Variants in WNK2 observed in about 807,000 individuals in gnomAD.
The protein encoded by WNK2 is serine/threonine-protein kinase WNK2.
Under a neutral mutation model 192.1 loss-of-function variants are expected in WNK2, and 67 were observed. That is an observed-to-expected ratio of 0.35 (90% confidence interval 0.29 to 0.43). The LOEUF (loss-of-function observed/expected upper bound fraction) is 0.43. Among genes scored for constraint, WNK2 ranks in the 20% least tolerant of loss-of-function variants. WNK2 has a pLI of 1.00. For synonymous variants in WNK2, 1,439 were observed against 1,393.9 expected (o/e 1.03, Z -0.72); for missense variants, 2,698 against 3,089.7 (o/e 0.87, Z 3.01).
In WNK2 at chr9:93,268,808, C is replaced by T. The variant is rs539051834; in HGVS notation, c.4033+62C>T. 4 of 1,582,762 alleles carry T rather than the reference C, an allele frequency of 2.5e-6. No individual in the cohort carries two copies. The East Asian group carries it at 9.4e-5, about 37-fold the overall frequency. Reference sequence around the variant, plus strand: ...TTTCATGTACAGGCCTCCTTCTGTGCATGACCCAGCCGGTATGTGCCCCGT... The same window carrying T: ...TTTCATGTACAGGCCTCCTTCTGTGTATGACCCAGCCGGTATGTGCCCCGT... On this transcript the variant is annotated intron_variant, in intron 19 of 29. Coordinates refer to ENST00000427277, the MANE Select transcript of WNK2 (RefSeq NM_006648.4).
At chr9:93,261,716 C>T in intron 12 of WNK2, 98 bp from the exon 13 acceptor site, 1 of 1,418,362 alleles carries the variant, frequency 7.1e-7, no homozygotes, top group South Asian at 1.3e-5. Context: ...GAGGGGTGTT[C>T]CCATCTCGGC....
chr9:93,279,827 G>C (rs764338658), intron 19 of WNK2, among the ~76,000 whole-genome samples: 11 of 152,048 alleles, frequency 7.2e-5, no homozygotes, highest in Non-Finnish European at 1.3e-4. Flanking sequence ...TTTCAGCTTT[G>C]TAACAGTTGA....
At chr9:93,303,837 A>G (rs552981462) in intron 26 of WNK2, among the ~76,000 whole-genome samples, 104 of 152,268 alleles carry the variant, frequency 6.8e-4, no homozygotes, top group African/African-American at 2.3e-3. Context: ...TTGGCTCAAG[A>G]ACATGGTTGT....
intron 2 of WNK2, among the ~76,000 whole-genome samples, chr9:93,221,206 G>A (rs1055389487): frequency 2.0e-5 from 3 of 152,240 alleles, no homozygotes; most frequent in East Asian, 1.9e-4. Context: ...GGGGACCCCC[G>A]ACCTTCCCTG....
intron 28 of WNK2, among the ~76,000 whole-genome samples, chr9:93,311,995 T>TA (rs1363397239): frequency 3.3e-5 from 5 of 152,236 alleles, no homozygotes; most frequent in African/African-American, 1.2e-4. Context: ...GGTTTTGCTT[T>TA]ACATTTTCCT....
rs148431579 is a variant in WNK2, at chr9:93,268,043, C to T, written c.3891C>T (p.Asn1297=). 36 of 1,612,054 alleles carry T rather than the reference C, an allele frequency of 2.2e-5. No individual in the cohort carries two copies. Among genetic ancestry groups the T allele is most frequent in the African/African-American group, 2.1e-4 (16 of 74,870 alleles). ...AGGAGAGCCGACAATCCCAAGCCAA[C>T]GCCCCCGTGTATCAGCAGAACGGTG... ...TGEESRQSQA[N]APVYQQNVLH... The change falls in exon 18 of 30, where the codon AAC becomes AAT. Residue 1297 remains asparagine, a synonymous_variant. Transcript: ENST00000427277.
At chr9:93,230,812 A>G (rs1029476119) in intron 3 of WNK2, 76 bp from the exon 4 acceptor site, 58 of 1,300,506 alleles carry the variant, frequency 4.5e-5, no homozygotes, top group Non-Finnish European at 6.1e-5. Context: ...AGGCCTAAGC[A>G]GTGTTAGGTG....
chr9:93,185,039 G>T lies in WNK2; in HGVS notation c.110G>T (p.Gly37Val). Reference sequence around the variant, plus strand: ...CCTCGGGCGAAGGCGGCGCGGCCGGGGCCCCAGCGCTTTCTGCGGCGCAGC... The same window carrying T: ...CCTCGGGCGAAGGCGGCGCGGCCGGTGCCCCAGCGCTTTCTGCGGCGCAGC... ...AEPRAKAARPGPQRFLRRSVV... is the reference protein window; with the variant it reads ...AEPRAKAARPVPQRFLRRSVV... The change falls in exon 2 of 30, where the codon GGG becomes GTG. Residue 37 changes from glycine (G) to valine (V), a missense_variant. Physicochemically the swap from Gly to Val is moderately radical, Grantham distance 109. Around this residue, in one of 7 missense-constraint regions of WNK2, gnomAD observed 260 missense variants for 285.6 expected, o/e 0.91. Transcript: ENST00000427277. 7.8e-7 allele frequency: 1 copy of T among 1,276,940 alleles called. No individual in the cohort carries two copies. Among genetic ancestry groups the T allele is most frequent in the Non-Finnish European group, 9.9e-7 (1 of 1,013,264 alleles). 79.1% of individuals were successfully genotyped at this position (1,276,940 alleles called of 1,614,324 possible). A position where few individuals can be genotyped will look rare whatever the true frequency, so the allele number is the denominator to read the frequency against.
chr9:93,317,225 C>T, intron 28 of WNK2: 1 of 531,760 alleles, frequency 1.9e-6, no homozygotes, highest in South Asian at 2.1e-5. Flanking sequence ...CTCATGCGCC[C>T]TCAGGGTCCA....
At chr9:93,290,737 G>A (rs1467239947) in intron 21 of WNK2, among the ~76,000 whole-genome samples, 3 of 152,260 alleles carry the variant, frequency 2.0e-5, no homozygotes, top group Non-Finnish European at 4.4e-5. Context: ...TGTGACTGCT[G>A]GGAGCGCCAG....
chr9:93,309,201 G>A (rs1208677206), intron 28 of WNK2: 4 of 913,960 alleles, frequency 4.4e-6, no homozygotes, highest in Admixed American at 6.2e-5. Context: ...AATCCATCTG[G>A]GCTGGAGTTT....
intron 7 of WNK2, among the ~76,000 whole-genome samples, chr9:93,244,185 G>A (rs540308312): frequency 6.6e-6 from 1 of 152,334 alleles, no homozygotes; most frequent in African/African-American, 2.4e-5. Context: ...GACCCCGAGG[G>A]TGGGAGAGAA....
At chr9:93,200,587 A>G (rs1352328159) in intron 2 of WNK2, among the ~76,000 whole-genome samples, 1 of 152,192 alleles carries the variant, frequency 6.6e-6, no homozygotes, top group African/African-American at 2.4e-5. Flanking sequence ...GTGTGGTTGG[A>G]CGCAGTGAAC....
intron 29 of WNK2, chr9:93,318,793 G>A: frequency 7.1e-7 from 1 of 1,411,942 alleles, no homozygotes; most frequent in Non-Finnish European, 9.2e-7. Context: ...AGATTTCAGT[G>A]GGACTCGTCC....
chr9:93,252,903 G>A lies in WNK2; in HGVS notation c.1855G>A (p.Gly619Ser), dbSNP rs1259767232. The part of the protein sequence containing the change: ...SLASDSTFDS[G>S]QGSTVYSDSQ... ...CCCAGCGGACAGCACCTTCGACAGC[G>A]GCCAGGGCTCTACCGTGTACTCAGA... Residue 619 changes from glycine (G) to serine (S), a missense_variant, in exon 9 of 30, where the codon GGC (glycine) becomes AGC (serine). By Grantham distance (56) the Gly-to-Ser change is moderately conservative. Coordinates refer to ENST00000427277, the MANE Select transcript of WNK2 (RefSeq NM_006648.4). The A allele has an allele frequency of 7.2e-6, 11 of 1,520,196 alleles. No homozygotes were observed. The South Asian group carries it at 8.8e-5, about 12-fold the overall frequency. 94.2% of individuals were successfully genotyped at this position (1,520,196 alleles called of 1,614,324 possible). A position where few individuals can be genotyped will look rare whatever the true frequency, so the allele number is the denominator to read the frequency against.
intron 2 of WNK2, among the ~76,000 whole-genome samples, chr9:93,214,849 T>C (rs1835454418): frequency 6.6e-6 from 1 of 151,956 alleles, no homozygotes; most frequent in African/African-American, 2.4e-5. Context: ...TATGGGTGTC[T>C]TGCTTCAATT....
At chr9:93,205,635 C>T (rs1833225315) in intron 2 of WNK2, among the ~76,000 whole-genome samples, 1 of 152,254 alleles carries the variant, frequency 6.6e-6, no homozygotes, top group Non-Finnish European at 1.5e-5. Context: ...GCCCGCTCAG[C>T]CTCATCCCGT....
chr9:93,197,991 A>G (rs1001649248), intron 2 of WNK2, among the ~76,000 whole-genome samples: 5 of 152,166 alleles, frequency 3.3e-5, no homozygotes, highest in Admixed American at 2.0e-4. Context: ...TGTATACTCT[A>G]GAGGCATATT....
chr9:93,212,556 A>G (rs1023414023), intron 2 of WNK2, among the ~76,000 whole-genome samples: 2 of 152,164 alleles, frequency 1.3e-5, no homozygotes, highest in African/African-American at 2.4e-5. Flanking sequence ...GTCGGGGCAC[A>G]TGATGGGGAG....
Sources: allele counts gnomAD v4.1 joint callset (sites outside exome capture counted in the v4.1 genomes callset), GRCh38; gene constraint gnomAD v4.1.1; regional missense constraint gnomAD v4.1.1; transcripts MANE v1.5; gene names NCBI Gene and HGNC (gene_info 2026-07-23, HGNC 2026-07-21).